Variants in OPCML observed in about 807,000 individuals in gnomAD.
OPCML encodes opioid-binding protein/cell adhesion molecule.
Under a neutral mutation model 37.8 loss-of-function variants are expected in OPCML, and 13 were observed. The observed-to-expected ratio is 0.34, with a 90% CI of 0.22 to 0.55. OPCML has a LOEUF of 0.55. OPCML is among the 20% of genes least tolerant of loss of function. The probability of loss-of-function intolerance (pLI) is 0.91; values close to 1 mark genes in which losing one functional copy is unlikely to be tolerated. For synonymous variants in OPCML, 176 were observed against 168.8 expected, an observed-to-expected ratio of 1.04 and a Z score of -0.33; for missense variants, 341 against 435.6, an observed-to-expected ratio of 0.78 and a Z score of 1.93.
chr11:132,770,937 G>A (rs974471666), intron 2 of OPCML, among the ~76,000 whole-genome samples: 2 of 152,148 alleles, frequency 1.3e-5, no homozygotes, highest in Non-Finnish European at 2.9e-5. Context: ...ATATGGTCTG[G>A]CCTTGACCCT....
chr11:133,273,644 T>A (rs2136487472), intron 1 of OPCML, among the ~76,000 whole-genome samples: 1 of 152,264 alleles, frequency 6.6e-6, no homozygotes, highest in East Asian at 1.9e-4. Flanking sequence ...CCTCAAGGGA[T>A]CTGCTAAGCC....
At chr11:132,822,259 C>T (rs1940039838) in intron 2 of OPCML, among the ~76,000 whole-genome samples, 2 of 152,030 alleles carry the variant, frequency 1.3e-5, no homozygotes, top group Admixed American at 1.3e-4. Flanking sequence ...CTCACTCTCC[C>T]TCTCCCACCT....
intron 1 of OPCML, among the ~76,000 whole-genome samples, chr11:133,122,554 C>T (rs1363070185): frequency 6.6e-6 from 1 of 152,140 alleles, no homozygotes; most frequent in African/African-American, 2.4e-5. Context: ...CATTCCAGCA[C>T]ATGCACATGG....
At chr11:132,730,977 G>A (rs1312128962) in intron 2 of OPCML, among the ~76,000 whole-genome samples, 1 of 152,124 alleles carries the variant, frequency 6.6e-6, no homozygotes, top group Non-Finnish European at 1.5e-5. Context: ...AAAAAGGTAT[G>A]TTTTTTCATC....
At chr11:132,704,629 A>C (rs1327823607) in intron 2 of OPCML, among the ~76,000 whole-genome samples, 2 of 152,226 alleles carry the variant, frequency 1.3e-5, no homozygotes, top group African/African-American at 4.8e-5. Context: ...TAGAAACTCT[A>C]AAATAAACAA....
At chr11:132,494,513 C>G (rs1053791141) in intron 4 of OPCML, among the ~76,000 whole-genome samples, 1 of 152,034 alleles carries the variant, frequency 6.6e-6, no homozygotes, top group African/African-American at 2.4e-5. Context: ...CTGCCTCTTT[C>G]CAGATTGATG....
intron 4 of OPCML, among the ~76,000 whole-genome samples, chr11:132,524,068 G>A (rs186919259): frequency 3.3e-5 from 5 of 152,160 alleles, no homozygotes; most frequent in African/African-American, 9.7e-5. Context: ...GTGAGGCATC[G>A]CAGTGGACGA....
chr11:133,237,521 T>C (rs745498523), intron 1 of OPCML, among the ~76,000 whole-genome samples: 6 of 152,188 alleles, frequency 3.9e-5, no homozygotes, highest in Non-Finnish European at 7.3e-5. Context: ...ACAAAGGGGA[T>C]GCAAGACCTT....
At chr11:132,761,378 C>G (rs1221773683) in intron 2 of OPCML, among the ~76,000 whole-genome samples, 1 of 152,070 alleles carries the variant, frequency 6.6e-6, no homozygotes, top group East Asian at 1.9e-4. Flanking sequence ...GGAAGTTCTA[C>G]TGGATGATAT....
In OPCML at chr11:133,009,476, C is replaced by A. The variant is rs770799859; in HGVS notation, c.62-66466G>T. Among the ~76,000 whole-genome samples, 11 of 152,094 alleles carry A rather than the reference C, an allele frequency of 7.2e-5. No homozygotes were observed. In the East Asian group the frequency reaches 1.4e-3, roughly 19 times the overall value. On this transcript the variant is annotated intron_variant, in intron 1 of 7. Coordinates refer to ENST00000524381, the MANE Select transcript of OPCML (RefSeq NM_001012393.5). ...AACTTAGGAGTCAAGTTCAAAGAAC[C>A]TAGGCAGTTTAATTCAGTAGCCATA...
Position 132,678,802 on chromosome 11 carries a change from G to A in OPCML, c.147-21483C>T, listed in dbSNP as rs190905961. Among the ~76,000 whole-genome samples, 550 of 152,248 alleles carry A rather than the reference G, an allele frequency of 3.6e-3. 3 individuals are homozygous for A. The highest frequency in any genetic ancestry group is 0.013 in the African/African-American group (527 of 41,526). ...TACTCTGTATAATACTAGCGTGGTG[G>A]CTCTATCTCATTACACATTTGTCTA... is the stretch of plus-strand genomic sequence containing the variant. On this transcript the variant is annotated intron_variant, in intron 2 of 7. Transcript: ENST00000524381.
Position 132,479,229 on chromosome 11 carries a change from GGAGTTCCCTTTCC to G in OPCML, c.506-41883_506-41871del, listed in dbSNP as rs2096168847. Among the ~76,000 whole-genome samples the G allele has an allele frequency of 2.6e-5, 4 of 152,246 alleles. No homozygotes were observed. In the South Asian group the frequency reaches 8.3e-4, roughly 32 times the overall value. ...TCACTCAGGAAGTGCAAGGGGTCAG[GGAGTTCCCTTTCC>G]TAGTCAAAGAAAGGGGTGACAGACG... On this transcript the variant is annotated intron_variant, in intron 4 of 7. Coordinates refer to ENST00000524381, the MANE Select transcript of OPCML (RefSeq NM_001012393.5).
At chr11:132,554,863 G>GTTTTTTTTTTTTTTTTTTTTTTTTTTTTT (rs5795789) in intron 3 of OPCML, among the ~76,000 whole-genome samples, 5 of 64,010 alleles carry the variant, frequency 7.8e-5, no homozygotes, top group Admixed American at 3.0e-4. Context: ...ATGGGGTAAA[G>GTTTTTTTTTTTTTTTTTTTTTTTTTTTTT]TTTTTTTTTT....
chr11:133,512,012 C>T (rs554247926), intron 1 of OPCML, among the ~76,000 whole-genome samples: 1 of 152,298 alleles, frequency 6.6e-6, no homozygotes, highest in Non-Finnish European at 1.5e-5. Context: ...ACTTTTGACA[C>T]CAGATGTTGT....
At chr11:133,393,682 G>A (rs1260442036) in intron 1 of OPCML, among the ~76,000 whole-genome samples, 1 of 152,224 alleles carries the variant, frequency 6.6e-6, no homozygotes, top group Admixed American at 6.5e-5. Flanking sequence ...TCATCCAGGA[G>A]AAGGGGCAGG....
intron 2 of OPCML, among the ~76,000 whole-genome samples, chr11:132,749,854 ATTTG>A (rs1464431866): frequency 2.0e-5 from 3 of 152,052 alleles, no homozygotes; most frequent in African/African-American, 7.2e-5. Context: ...TAACCATTGA[ATTTG>A]TTTATTTATT....
intron 1 of OPCML, among the ~76,000 whole-genome samples, chr11:133,013,916 G>C (rs2136882224): frequency 6.6e-6 from 1 of 152,332 alleles, no homozygotes; most frequent in East Asian, 1.9e-4. Flanking sequence ...AGAGGAAGCA[G>C]ATGCACGACA....
intron 1 of OPCML, among the ~76,000 whole-genome samples, chr11:133,150,698 C>CTGTCTTG (rs2137189773): frequency 6.6e-6 from 1 of 152,240 alleles, no homozygotes; most frequent in African/African-American, 2.4e-5. Context: ...TGGCATCTTA[C>CTGTCTTG]AAAATCTTCC....
rs183372397 is a variant in OPCML at position 132,758,836 on chromosome 11, T to C, written c.147-101517A>G. Among the ~76,000 whole-genome samples, 69 of 152,312 alleles carry C rather than the reference T, an allele frequency of 4.5e-4. 1 individual carries two copies. The East Asian group carries it at 9.1e-3, about 20-fold the overall frequency. ...GTCCTGGCCAGAACTTCCAATACTA[T>C]GTTAAATAGGAGTGATGAGAGAGGG... On this transcript the variant is annotated intron_variant, in intron 2 of 7. Transcript: ENST00000524381.
Sources: allele counts gnomAD v4.1 joint callset (sites outside exome capture counted in the v4.1 genomes callset), GRCh38; gene constraint gnomAD v4.1.1; transcripts MANE v1.5; gene names NCBI Gene and HGNC (gene_info 2026-07-23, HGNC 2026-07-21).